The following TRPM2 variants were observed in gnomAD, a reference collection of about 807,000 sequenced individuals.
The protein encoded by TRPM2 is transient receptor potential cation channel subfamily M member 2, also known as estrogen-responsive element-associated gene 1 protein.
Under a neutral mutation model 174.0 loss-of-function variants are expected in TRPM2, and 161 were observed. That is an observed-to-expected ratio of 0.93 (90% CI 0.81 to 1.05). TRPM2 has a LOEUF of 1.05. Among genes scored for constraint, TRPM2 ranks in the 50% least tolerant of loss-of-function variants. The probability of loss-of-function intolerance (pLI) is 0.00; values close to 1 mark genes in which losing one functional copy is unlikely to be tolerated. For missense variants in TRPM2, 2,057 were observed against 2,038.0 expected, an observed-to-expected ratio of 1.01 and a Z score of -0.18; for synonymous variants, 954 against 861.3, an observed-to-expected ratio of 1.11 and a Z score of -1.88.
chr21:44,422,710 C>T (rs560659280), intron 22 of TRPM2, among the ~76,000 whole-genome samples: 1 of 152,274 alleles, frequency 6.6e-6, no homozygotes, highest in Admixed American at 6.5e-5. Context: ...CACAGCAGGC[C>T]GAGGCTGGGC....
chr21:44,422,263 C>T, intron 22 of TRPM2: 1 of 1,535,560 alleles, frequency 6.5e-7, no homozygotes, highest in Non-Finnish European at 8.7e-7. Flanking sequence ...AAGCTCCTCG[C>T]CCACAGGGCA....
intron 24 of TRPM2, 136 bp from the exon 25 acceptor site, chr21:44,425,534 G>A: frequency 9.0e-7 from 1 of 1,115,728 alleles, no homozygotes; most frequent in African/African-American, 1.6e-5. Context: ...TGTTCGACCT[G>A]CATGGCCATT....
intron 19 of TRPM2, among the ~76,000 whole-genome samples, chr21:44,411,641 G>A (rs1408260764): frequency 6.6e-6 from 1 of 152,132 alleles, no homozygotes; most frequent in African/African-American, 2.4e-5. Flanking sequence ...GACAATGGGG[G>A]ACATCCTTGC....
intron 19 of TRPM2, among the ~76,000 whole-genome samples, chr21:44,413,248 T>TA (rs1491127149): frequency 1.1e-4 from 16 of 147,088 alleles, no homozygotes; most frequent in African/African-American, 4.0e-4. Flanking sequence ...TTTTTTTTTT[T>TA]AATTTTTGAG....
rs934671273 is a variant in TRPM2, at chr21:44,368,979, C to T, written c.605-198C>T. The T allele has an allele frequency of 3.7e-4, 191 of 515,816 alleles. 1 individual carries two copies. Among genetic ancestry groups the T allele is most frequent in the Non-Finnish European group, 5.7e-4 (171 of 299,188 alleles). The allele number at this position is 515,816 out of a possible 1,614,324, so 32.0% of individuals were successfully genotyped here. On this transcript the variant is annotated intron_variant, in intron 4 of 31. Transcript: ENST00000397928. ...GGGACCGGGAGAGGGGCGGGGCCTG[C>T]TCCTGTTCCCACCCCACCTGAGCGC...
At chr21:44,434,044 GGCAGCCACGGTCAGCTGTCCTGGA>G (rs200241159) in intron 27 of TRPM2, among the ~76,000 whole-genome samples, 14,784 of 151,468 alleles carry the variant, frequency 0.098, 1,304 homozygotes, top group African/African-American at 0.23. Flanking sequence ...GCTGTCCTGG[GGCAGCCACGGTCAGCTGTCCTGGA>G]GCAGCCACGC....
chr21:44,441,831 C>A lies in TRPM2; in HGVS notation c.*14C>A. 6.3e-7 allele frequency: 1 copy of A among 1,593,848 alleles called. No homozygotes were observed. The highest frequency in any genetic ancestry group is 1.1e-5 in the South Asian group (1 of 87,110). On this transcript the variant is annotated 3_prime_UTR_variant, in exon 32 of 32. Transcript: ENST00000397928. ...GCTCACTACTGACTGTGCCCTCAGG[C>A]TGGGCGGCTCCAGTCCATAGACGTT... is the stretch of plus-strand genomic sequence containing the variant.
intron 28 of TRPM2, among the ~76,000 whole-genome samples, chr21:44,436,361 C>G (rs1309089492): frequency 6.6e-6 from 1 of 152,096 alleles, no homozygotes; most frequent in Admixed American, 6.5e-5. Context: ...CCTCAGGGTC[C>G]TCTTGCTGCC....
chr21:44,405,362 G>A, intron 17 of TRPM2, 102 bp downstream of exon 17: 1 of 1,523,160 alleles, frequency 6.6e-7, no homozygotes, highest in Non-Finnish European at 8.9e-7. Context: ...GTGAGGCTCA[G>A]CTCGTCTGTG....
chr21:44,412,717 CAA>C (rs2050144850), intron 19 of TRPM2, among the ~76,000 whole-genome samples: 2 of 151,876 alleles, frequency 1.3e-5, no homozygotes, highest in Non-Finnish European at 2.9e-5. Flanking sequence ...TCCTTTCAAT[CAA>C]AGAGGTTCTC....
intron 16 of TRPM2, among the ~76,000 whole-genome samples, chr21:44,402,859 G>C (rs2049674130): frequency 6.6e-6 from 1 of 152,170 alleles, no homozygotes; most frequent in Admixed American, 6.5e-5. Context: ...GTCAGCCCAC[G>C]GGGCAGTGGT....
At chr21:44,423,463 G>T in intron 22 of TRPM2, 182 bp from the exon 23 acceptor site, 1 of 593,954 alleles carries the variant, frequency 1.7e-6, no homozygotes, top group Non-Finnish European at 3.0e-6. Context: ...TCCCCTCTGG[G>T]GCCCTGGGCA....
At chr21:44,360,672 T>C (rs984298927) in intron 2 of TRPM2, among the ~76,000 whole-genome samples, 2 of 151,512 alleles carry the variant, frequency 1.3e-5, no homozygotes, top group South Asian at 4.2e-4. Context: ...GTTCAAGCAA[T>C]TCTCCTGCCT....
At chr21:44,395,352 C>G (rs2049309803) in intron 11 of TRPM2, 62 bp from the exon 12 acceptor site, 24 of 1,583,582 alleles carry the variant, frequency 1.5e-5, no homozygotes, top group Non-Finnish European at 2.0e-5. Context: ...CTCTGACAGG[C>G]TCCGCCAGTG....
Position 44,406,847 on chromosome 21 carries a change from G to C in TRPM2, c.2962+82G>C. The stretch of plus-strand genomic sequence containing the variant: ...CTGGAAAGGGGCCGCATGAGTGGGA[G>C]TGAGGCCGGCTCCATCAGGGGGTCC... On this transcript the variant is annotated intron_variant, in intron 19 of 31. Transcript: ENST00000397928. 2.6e-6 allele frequency: 4 copies of C among 1,510,124 alleles called. No homozygotes were observed. The South Asian group carries it at 4.8e-5, about 18-fold the overall frequency. 93.5% of individuals were successfully genotyped at this position (1,510,124 alleles called of 1,614,324 possible).
Position 44,391,184 on chromosome 21 carries a change from A to G in TRPM2, c.1441-88A>G. ...TCATCCTCCCCAGGTTGGGGACAAC[A>G]GCAGCCCCCATCTCCAGGGTCTTTG... On this transcript the variant is annotated intron_variant, in intron 10 of 31. Transcript: ENST00000397928. The surrounding 1 kb of genome is among the most constrained non-coding windows in gnomAD (Gnocchi z 5.0). 1 of 1,526,942 alleles carries G rather than the reference A, an allele frequency of 6.5e-7. No homozygotes were observed. Among genetic ancestry groups the G allele is most frequent in the Admixed American group, 1.8e-5 (1 of 55,418 alleles). The allele number at this position is 1,526,942 out of a possible 1,614,324, so 94.6% of individuals were successfully genotyped here.
intron 27 of TRPM2, among the ~76,000 whole-genome samples, chr21:44,430,085 G>A (rs796627376): frequency 3.3e-5 from 5 of 152,216 alleles, no homozygotes; most frequent in African/African-American, 1.2e-4. Flanking sequence ...CTCCTTTAGT[G>A]TTGAGCCATC....
chr21:44,435,290 T>A, intron 28 of TRPM2, 73 bp downstream of exon 28: 1 of 1,542,428 alleles, frequency 6.5e-7, no homozygotes, highest in Non-Finnish European at 8.9e-7. Context: ...GCGGCTGCCA[T>A]TGCCCAGTGC....
rs939367092 is a variant in TRPM2 at position 44,366,609 on chromosome 21, C to T, written c.424-145C>T. The T allele has an allele frequency of 1.6e-5, 17 of 1,048,874 alleles. No homozygotes were observed. Among genetic ancestry groups the T allele is most frequent in the Non-Finnish European group, 2.4e-5 (17 of 720,062 alleles). 65.0% of individuals were successfully genotyped at this position (1,048,874 alleles called of 1,614,324 possible). On this transcript the variant is annotated intron_variant, in intron 3 of 31. Transcript: ENST00000397928. This position sits in a 1 kb window ranked among gnomAD's most constrained non-coding sequence, Gnocchi z 6.0. ...TCTCTCGTGATCTGTGCCCTGCCCACATGGGGACCCCTTTTCTGGGTCTGA... is the reference window on the plus strand; with the variant it reads ...TCTCTCGTGATCTGTGCCCTGCCCATATGGGGACCCCTTTTCTGGGTCTGA...
Sources: allele counts gnomAD v4.1 joint callset (sites outside exome capture counted in the v4.1 genomes callset), GRCh38; gene constraint gnomAD v4.1.1; non-coding constraint Gnocchi (gnomAD v3.1); transcripts MANE v1.5; gene names NCBI Gene and HGNC (gene_info 2026-07-23, HGNC 2026-07-21).